Variants in RASGEF1A observed in about 807,000 individuals in gnomAD.
The protein encoded by RASGEF1A is ras-GEF domain-containing family member 1A.
Under a neutral mutation model 56.4 loss-of-function variants are expected in RASGEF1A, and 18 were observed. That is an observed-to-expected ratio of 0.32 (90% CI 0.22 to 0.47). The LOEUF (loss-of-function observed/expected upper bound fraction) is 0.47. Among genes scored for constraint, RASGEF1A ranks in the 20% least tolerant of loss-of-function variants. The probability of loss-of-function intolerance (pLI) is 1.00; values close to 1 mark genes in which losing one functional copy is unlikely to be tolerated. For synonymous variants in RASGEF1A, 245 were observed against 242.6 expected (o/e 1.01, Z -0.09); for missense variants, 422 against 627.1 (o/e 0.67, Z 3.49).
rs541819752 is a variant in RASGEF1A, at chr10:43,235,271, G to A, written c.-6-29149C>T. On this transcript the variant is annotated intron_variant, in intron 1 of 12. Coordinates refer to ENST00000395810, the MANE Select transcript of RASGEF1A (RefSeq NM_145313.4). ...TGGGCAGGAGCCCACCGGCCACAGC[G>A]TCAGGCACACCTCTCCCCAGTCGTC... Among the ~76,000 whole-genome samples, 7 of 152,332 alleles carry A rather than the reference G, an allele frequency of 4.6e-5. No individual in the cohort carries two copies. In the East Asian group the frequency reaches 7.7e-4, roughly 17 times the overall value.
chr10:43,226,041 T>TC (rs138791244), intron 1 of RASGEF1A, among the ~76,000 whole-genome samples: 1,552 of 152,124 alleles, frequency 0.01, 29 homozygotes, highest in African/African-American at 0.035. Context: ...GCTGGGTTAT[T>TC]CCCCGAGGCT....
intron 6 of RASGEF1A, among the ~76,000 whole-genome samples, 177 bp from the exon 7 acceptor site, chr10:43,199,945 C>T (rs1272160898): frequency 6.6e-6 from 1 of 152,250 alleles, no homozygotes; most frequent in Non-Finnish European, 1.5e-5. Flanking sequence ...GCTCCCTGGC[C>T]CAAATCTGTG....
chr10:43,219,523 G>A (rs1049596150), intron 1 of RASGEF1A, among the ~76,000 whole-genome samples: 5 of 152,202 alleles, frequency 3.3e-5, no homozygotes, highest in Admixed American at 2.0e-4. Flanking sequence ...TGGCCAGGGC[G>A]CCTGCTGGCT....
intron 1 of RASGEF1A, among the ~76,000 whole-genome samples, chr10:43,241,914 G>C (rs2133218482): frequency 6.6e-6 from 1 of 152,316 alleles, no homozygotes; most frequent in East Asian, 1.9e-4. Context: ...AAGGTGGGTG[G>C]ATCACGAGGT....
chr10:43,196,477 T>C lies in RASGEF1A; in HGVS notation c.1420A>G (p.Arg474Gly). 6.2e-7 allele frequency: 1 copy of C among 1,613,690 alleles called. No homozygotes were observed. Among genetic ancestry groups the C allele is most frequent in the East Asian group, 2.2e-5 (1 of 44,870 alleles). Residue 474 changes from arginine (R) to glycine (G), a missense_variant and splice_region_variant, in exon 12 of 13, where the codon AGG becomes GGG. Arg to Gly is a moderately radical substitution (Grantham distance 125). Transcript: ENST00000395810. This position sits in a 1 kb window ranked among gnomAD's most constrained non-coding sequence, Gnocchi z 4.6. The stretch of plus-strand genomic sequence containing the variant: ...CCCATGTTCCTGACGCCCTCCTACC[T>C]GAGGGTCTTCCAGCTGTCTTTTTCC... ...HMEKDSWKTL[R>G]TTLLNRA
chr10:43,207,611 G>A, intron 1 of RASGEF1A: 1 of 985,564 alleles, frequency 1.0e-6, no homozygotes, highest in Non-Finnish European at 1.2e-6. Flanking sequence ...GAATGTCCAG[G>A]CCCCCAGGCT....
chr10:43,227,950 A>G (rs1210268613), intron 1 of RASGEF1A, among the ~76,000 whole-genome samples: 1 of 151,844 alleles, frequency 6.6e-6, no homozygotes, highest in African/African-American at 2.4e-5. Context: ...CCATCTCCCA[A>G]GGCTGGGATT....
chr10:43,252,118 G>T (rs989677583), intron 1 of RASGEF1A, among the ~76,000 whole-genome samples: 2 of 152,236 alleles, frequency 1.3e-5, no homozygotes, highest in African/African-American at 4.8e-5. Flanking sequence ...ACCAAGGACA[G>T]TGCCTGGGGC....
At chr10:43,252,775 T>C (rs1840641701) in intron 1 of RASGEF1A, among the ~76,000 whole-genome samples, 1 of 152,084 alleles carries the variant, frequency 6.6e-6, no homozygotes, top group Admixed American at 6.5e-5. Flanking sequence ...CACAGAGGCT[T>C]GCAGGCTCCC....
intron 1 of RASGEF1A, among the ~76,000 whole-genome samples, chr10:43,225,991 C>G (rs1444429014): frequency 6.6e-6 from 1 of 152,012 alleles, no homozygotes; most frequent in Non-Finnish European, 1.5e-5. Context: ...GGGCTGGGTC[C>G]CAGCCCGGAA....
At chr10:43,236,787 C>T (rs1253918062) in intron 1 of RASGEF1A, among the ~76,000 whole-genome samples, 1 of 152,252 alleles carries the variant, frequency 6.6e-6, no homozygotes, top group South Asian at 2.1e-4. Context: ...GCCCCTCCCT[C>T]GGAGCCCTTC....
At chr10:43,241,374 T>G (rs1167460029) in intron 1 of RASGEF1A, among the ~76,000 whole-genome samples, 3 of 152,200 alleles carry the variant, frequency 2.0e-5, no homozygotes, top group Non-Finnish European at 4.4e-5. Context: ...GTAAATTTTA[T>G]GGCAGTAACA....
chr10:43,262,847 T>C (rs1447843104), intron 1 of RASGEF1A, among the ~76,000 whole-genome samples: 1 of 152,074 alleles, frequency 6.6e-6, no homozygotes, highest in Non-Finnish European at 1.5e-5. Context: ...CAGGGGATGG[T>C]GGCCCGGCCC....
intron 1 of RASGEF1A, among the ~76,000 whole-genome samples, chr10:43,263,810 G>T (rs577784859): frequency 6.6e-6 from 1 of 152,206 alleles, no homozygotes; most frequent in Non-Finnish European, 1.5e-5. Flanking sequence ...GGGAGGTGCT[G>T]CAGCAGAGCC....
chr10:43,245,257 T>C (rs1046511002), intron 1 of RASGEF1A, among the ~76,000 whole-genome samples: 4 of 152,166 alleles, frequency 2.6e-5, no homozygotes, highest in African/African-American at 4.8e-5. Flanking sequence ...TAGGTCAGAA[T>C]AAACCTATAA....
chr10:43,263,576 G>A (rs1194736073), intron 1 of RASGEF1A, among the ~76,000 whole-genome samples: 2 of 152,144 alleles, frequency 1.3e-5, no homozygotes, highest in East Asian at 3.9e-4. Context: ...GCTGGCCTCT[G>A]CTCCCTGAAT....
At chr10:43,216,721 C>T (rs1329348964) in intron 1 of RASGEF1A, among the ~76,000 whole-genome samples, 2 of 152,076 alleles carry the variant, frequency 1.3e-5, no homozygotes, top group African/African-American at 2.4e-5. Context: ...GCTGAGTGTG[C>T]CCACTTGGCT....
At chr10:43,203,483 C>T (rs1218765685) in intron 2 of RASGEF1A, 63 bp from the exon 3 acceptor site, 2 of 1,460,284 alleles carry the variant, frequency 1.4e-6, no homozygotes, top group African/African-American at 1.4e-5. Flanking sequence ...GGGCTCACCG[C>T]GCTGCTTCAC....
chr10:43,252,672 C>G (rs1189393752), intron 1 of RASGEF1A, among the ~76,000 whole-genome samples: 1 of 152,142 alleles, frequency 6.6e-6, no homozygotes, highest in African/African-American at 2.4e-5. Flanking sequence ...CTCACATGTC[C>G]TAAGCTCAGG....
Sources: allele counts gnomAD v4.1 joint callset (sites outside exome capture counted in the v4.1 genomes callset), GRCh38; gene constraint gnomAD v4.1.1; non-coding constraint Gnocchi (gnomAD v3.1); transcripts MANE v1.5; gene names NCBI Gene and HGNC (gene_info 2026-07-23, HGNC 2026-07-21).